GDA: variants seen among roughly 807,000 people sequenced by gnomAD.
GDA encodes cytoplasmic PSD-95 interactor.
GDA carries 18 observed loss-of-function variants against 59.6 expected under a neutral mutation model. That is an observed-to-expected ratio of 0.30 (90% CI 0.21 to 0.45). The LOEUF is 0.45. GDA is among the 20% of genes least tolerant of loss of function. GDA has a pLI of 1.00. For synonymous variants in GDA, 201 were observed against 201.1 expected (o/e 1.00, Z 0.00); for missense variants, 427 against 552.3 (o/e 0.77, Z 2.27).
Position 72,173,517 on chromosome 9 carries a change from G to A in GDA, c.124-21983G>A, listed in dbSNP as rs372880985. ...GGCTAATTTTTATATTTTTCGGAGGGGCAGGATTTCACCATGTTGGCTAGG... is the reference window on the plus strand; with the variant it reads ...GGCTAATTTTTATATTTTTCGGAGGAGCAGGATTTCACCATGTTGGCTAGG... On this transcript the variant is annotated intron_variant, in intron 1 of 13. Coordinates refer to ENST00000358399, the MANE Select transcript of GDA (RefSeq NM_004293.5). Among the ~76,000 whole-genome samples, 71 of 151,872 alleles carry A rather than the reference G, an allele frequency of 4.7e-4. No homozygotes were observed. The East Asian group carries it at 0.013, about 28-fold the overall frequency.
intron 1 of GDA, among the ~76,000 whole-genome samples, chr9:72,164,989 C>CAA (rs59456635): frequency 0.32 from 41,532 of 130,406 alleles, 7,124 homozygotes; most frequent in Middle Eastern, 0.41. Context: ...GACTCCATCT[C>CAA]AAAAAAAAAA....
At chr9:72,186,451 G>C (rs1286131092) in intron 1 of GDA, among the ~76,000 whole-genome samples, 1 of 152,068 alleles carries the variant, frequency 6.6e-6, no homozygotes, top group Non-Finnish European at 1.5e-5. Context: ...GCAAGTCTCT[G>C]CTTAAACCTC....
rs1440589143 is a variant in GDA, at chr9:72,175,286, C to G, written c.124-20214C>G. 4.6e-5 allele frequency among the ~76,000 whole-genome samples: 7 copies of G among 152,266 alleles called. No homozygotes were observed. In the South Asian group the frequency reaches 1.5e-3, roughly 32 times the overall value. On this transcript the variant is annotated intron_variant, in intron 1 of 13. Transcript: ENST00000358399. ...AGCTCAAGCGATCTTCCTGCATCAG[C>G]CTTCCAAAGTGCTGGGATCACAGGG...
At chr9:72,235,025 A>G (rs1385216377) in intron 10 of GDA, among the ~76,000 whole-genome samples, 2 of 152,188 alleles carry the variant, frequency 1.3e-5, no homozygotes, top group African/African-American at 4.8e-5. Context: ...AATCTACATC[A>G]TTCAATGAAA....
chr9:72,224,529 C>T (rs1429201977), intron 7 of GDA, among the ~76,000 whole-genome samples: 1 of 152,072 alleles, frequency 6.6e-6, no homozygotes, highest in Non-Finnish European at 1.5e-5. Context: ...AGTGTGGGGG[C>T]ATAGGACTTA....
intron 1 of GDA, among the ~76,000 whole-genome samples, chr9:72,178,413 ATTT>A (rs145032320): frequency 5.1e-5 from 6 of 117,160 alleles, no homozygotes; most frequent in Non-Finnish European, 5.2e-5. Flanking sequence ...TGGAATCGAT[ATTT>A]TTTTTTTTTT....
At chr9:72,253,325 C>T (rs1840803860), downstream of GDA, 1 of 152,150 alleles carries the variant, frequency 6.6e-6, no homozygotes, top group Non-Finnish European at 1.5e-5. Flanking sequence ...GTGTTCCCAT[C>T]CCTCCTGAAA....
chr9:72,125,400 G>A (rs1043799787), intron 1 of GDA, among the ~76,000 whole-genome samples: 12 of 132,642 alleles, frequency 9.0e-5, no homozygotes, highest in Middle Eastern at 3.6e-3. Context: ...CTGTCACTCA[G>A]GTTGGAGTGC....
intron 6 of GDA, among the ~76,000 whole-genome samples, chr9:72,220,891 C>T (rs995951986): frequency 6.6e-6 from 1 of 152,142 alleles, no homozygotes; most frequent in Non-Finnish European, 1.5e-5. Flanking sequence ...TGTTGGTGAG[C>T]CTGTGGAGAC....
chr9:72,189,381 G>C (rs1832259531), intron 1 of GDA, among the ~76,000 whole-genome samples: 1 of 151,280 alleles, frequency 6.6e-6, no homozygotes, highest in Non-Finnish European at 1.5e-5. Flanking sequence ...ATGGGGTCTT[G>C]CTATGCTACT....
At chr9:72,120,463 G>A (rs1168738423) in intron 1 of GDA, among the ~76,000 whole-genome samples, 1 of 152,118 alleles carries the variant, frequency 6.6e-6, no homozygotes, top group Non-Finnish European at 1.5e-5. Flanking sequence ...CAAAGTGCTG[G>A]GATTACAGGC....
intron 1 of GDA, among the ~76,000 whole-genome samples, chr9:72,123,753 C>T (rs1026427198): frequency 4.6e-5 from 7 of 152,138 alleles, no homozygotes; most frequent in Non-Finnish European, 1.0e-4. Context: ...TTCCAAAGTG[C>T]TGGGATTATA....
At chr9:72,189,314 G>A (rs1832251791) in intron 1 of GDA, among the ~76,000 whole-genome samples, 1 of 151,404 alleles carries the variant, frequency 6.6e-6, no homozygotes, top group African/African-American at 2.4e-5. Flanking sequence ...CTGAATAGCT[G>A]GGGTTACAGG....
At chr9:72,165,121 ATT>A (rs1829134971) in intron 1 of GDA, among the ~76,000 whole-genome samples, 1 of 152,144 alleles carries the variant, frequency 6.6e-6, no homozygotes, top group Non-Finnish European at 1.5e-5. Flanking sequence ...TTGTGCTCAT[ATT>A]CCTGTATTTG....
chr9:72,145,271 G>GT (rs1200549066), upstream of GDA, among the ~76,000 whole-genome samples: 2 of 152,182 alleles, frequency 1.3e-5, no homozygotes, highest in African/African-American at 4.8e-5. Context: ...ACAGCCCACA[G>GT]TGCAGTGGCC....
chr9:72,190,801 C>T (rs1334862217), intron 1 of GDA, among the ~76,000 whole-genome samples: 4 of 106,952 alleles, frequency 3.7e-5, no homozygotes, highest in African/African-American at 1.0e-4. Flanking sequence ...TACAGTGGCC[C>T]GGGAATATAA....
intron 6 of GDA, among the ~76,000 whole-genome samples, 164 bp downstream of exon 6, chr9:72,219,670 C>T (rs1197000975): frequency 6.6e-6 from 1 of 152,136 alleles, no homozygotes; most frequent in Non-Finnish European, 1.5e-5. Context: ...TCACTGTCAG[C>T]TCAGTGAAGT....
chr9:72,209,177 C>CATATAAT (rs1835072460), intron 3 of GDA, among the ~76,000 whole-genome samples: 2 of 150,842 alleles, frequency 1.3e-5, no homozygotes, highest in African/African-American at 4.9e-5. Context: ...ACTTTGGGTT[C>CATATAAT]TCTTTTTATT....
intron 1 of GDA, among the ~76,000 whole-genome samples, chr9:72,135,587 G>C (rs1414635047): frequency 6.6e-6 from 1 of 152,114 alleles, no homozygotes; most frequent in African/African-American, 2.4e-5. Context: ...ACTGGAGATA[G>C]AAGTATGAAC....
Sources: allele counts gnomAD v4.1 joint callset (sites outside exome capture counted in the v4.1 genomes callset), GRCh38; gene constraint gnomAD v4.1.1; transcripts MANE v1.5; gene names NCBI Gene and HGNC (gene_info 2026-07-23, HGNC 2026-07-21).